POLA1: variants seen among roughly 807,000 people sequenced by gnomAD.
The protein encoded by POLA1 is DNA polymerase alpha 1, catalytic subunit.
A neutral mutation model predicts 124.0 loss-of-function variants in POLA1; 15 were observed. The ratio of observed to expected loss-of-function variants is 0.12; its 90% CI spans 0.08 to 0.19. POLA1 has a LOEUF of 0.19. POLA1 is among the 10% of genes least tolerant of loss of function. The pLI, the probability that POLA1 is intolerant of heterozygous loss-of-function variation, is 1.00. For missense variants in POLA1, 886 were observed against 1,103.4 expected, an observed-to-expected ratio of 0.80 and a Z score of 2.79; for synonymous variants, 408 against 389.4, an observed-to-expected ratio of 1.05 and a Z score of -0.56.
intron 35 of POLA1, among the ~76,000 whole-genome samples, chrX:24,893,618 A>G (rs899402909): frequency 1.8e-5 from 2 of 111,558 alleles, no homozygotes; most frequent in East Asian, 5.6e-4. Flanking sequence ...ACCTACTTTG[A>G]ATATTTTCTG....
chrX:24,958,412 A>G (rs1284122254), intron 36 of POLA1, among the ~76,000 whole-genome samples: 3 of 111,695 alleles, frequency 2.7e-5, no homozygotes, highest in Admixed American at 9.5e-5. Flanking sequence ...TTTCCAATCC[A>G]TCTACCATTG....
chrX:24,995,004 C>T (rs1444666512), intron 36 of POLA1, among the ~76,000 whole-genome samples: 2 of 108,720 alleles, frequency 1.8e-5, no homozygotes, highest in South Asian at 4.1e-4. Context: ...TGCGGTGAGC[C>T]GAGATCGCGC....
chrX:24,867,223 C>A (rs1420351705), intron 34 of POLA1, among the ~76,000 whole-genome samples: 1 of 109,754 alleles, frequency 9.1e-6, no homozygotes, highest in Non-Finnish European at 1.9e-5. Flanking sequence ...TTTTTTTTAT[C>A]CTTCTCAATT....
At chrX:24,920,757 T>C (rs1251465673) in intron 35 of POLA1, among the ~76,000 whole-genome samples, 1 of 111,941 alleles carries the variant, frequency 8.9e-6, no homozygotes, top group Non-Finnish European at 1.9e-5. Context: ...GAAACCATAA[T>C]GCAAAGGAGA....
intron 26 of POLA1, among the ~76,000 whole-genome samples, chrX:24,770,369 G>A (rs1483046610): frequency 1.8e-5 from 2 of 111,727 alleles, no homozygotes; most frequent in South Asian, 3.8e-4. Flanking sequence ...GGTAAACATT[G>A]CCTAGAGATT....
At chrX:24,874,015 G>A (rs1031995322) in intron 34 of POLA1, among the ~76,000 whole-genome samples, 1 of 111,625 alleles carries the variant, frequency 9.0e-6, no homozygotes, top group Non-Finnish European at 1.9e-5. Flanking sequence ...ATATTAAGTA[G>A]CATAGATGTA....
intron 34 of POLA1, 90 bp from the exon 35 acceptor site, chrX:24,887,911 GATTAA>G (rs374321277): frequency 1.8e-4 from 95 of 539,710 alleles, no homozygotes; most frequent in African/African-American, 1.7e-3. Flanking sequence ...TCTGAGAAAA[GATTAA>G]ATAAAATGAG....
At chrX:24,931,526 T>C (rs749084933) in intron 36 of POLA1, among the ~76,000 whole-genome samples, 4 of 112,338 alleles carry the variant, frequency 3.6e-5, no homozygotes, top group Non-Finnish European at 5.6e-5. Context: ...TTGGTTTTGC[T>C]GTCCTTGGAG....
At chrX:24,869,750 C>T (rs1446139643) in intron 34 of POLA1, among the ~76,000 whole-genome samples, 1 of 111,352 alleles carries the variant, frequency 9.0e-6, no homozygotes, top group Non-Finnish European at 1.9e-5. Context: ...CTTTCTTCTA[C>T]CTCTTTCCTT....
At chrX:24,864,475 A>G (rs1374896710) in intron 34 of POLA1, among the ~76,000 whole-genome samples, 1 of 111,869 alleles carries the variant, frequency 8.9e-6, no homozygotes, top group South Asian at 3.7e-4. Context: ...AAATTTATGT[A>G]GCATTATAGC....
At chrX:24,808,849 G>T (rs2045850892) in intron 26 of POLA1, among the ~76,000 whole-genome samples, 1 of 111,864 alleles carries the variant, frequency 8.9e-6, no homozygotes, top group African/African-American at 3.2e-5. Flanking sequence ...TGAAGTAGGA[G>T]AAAGAAATAT....
intron 34 of POLA1, among the ~76,000 whole-genome samples, chrX:24,868,589 AAGT>A (rs780036740): frequency 5.4e-5 from 6 of 111,969 alleles, no homozygotes; most frequent in Non-Finnish European, 9.4e-5. Flanking sequence ...ACCCACCAAA[AAGT>A]AGGTGATGAG....
chrX:24,934,186 A>T (rs1025379427), intron 36 of POLA1, among the ~76,000 whole-genome samples: 10 of 112,452 alleles, frequency 8.9e-5, no homozygotes, highest in African/African-American at 3.2e-4. Flanking sequence ...GTTCAAATCT[A>T]AATCTCCTTA....
intron 34 of POLA1, among the ~76,000 whole-genome samples, chrX:24,854,651 G>A (rs1197173812): frequency 1.8e-5 from 2 of 110,253 alleles, no homozygotes; most frequent in East Asian, 2.9e-4. Context: ...CCAACATGGC[G>A]AAACCTGTCT....
At chrX:24,895,781 A>G (rs150207394) in intron 35 of POLA1, among the ~76,000 whole-genome samples, 52 of 112,620 alleles carry the variant, frequency 4.6e-4, no homozygotes, top group African/African-American at 1.6e-3. Flanking sequence ...GTCTTCTCCA[A>G]AGTATTGGTT....
intron 34 of POLA1, among the ~76,000 whole-genome samples, chrX:24,844,353 A>T (rs2046447726): frequency 9.0e-6 from 1 of 110,971 alleles, no homozygotes; most frequent in Non-Finnish European, 1.9e-5. Flanking sequence ...AAAATTAAAA[A>T]TTTCACATTT....
At chrX:24,734,913 G>GCCACTTAT (rs1185389345) in intron 17 of POLA1, among the ~76,000 whole-genome samples, 1 of 112,047 alleles carries the variant, frequency 8.9e-6, no homozygotes, top group Non-Finnish European at 1.9e-5. Context: ...ACTGCGCCCA[G>GCCACTTAT]CCACTTATAA....
At position 24,992,738 on chromosome X, in the gene POLA1, A is replaced by C. The variant is rs188471180; in HGVS notation, c.4262-3067A>C. 3.5e-5 allele frequency among the ~76,000 whole-genome samples: 4 copies of C among 113,094 alleles called. No individual in the cohort carries two copies. The Admixed American group carries it at 3.7e-4, about 11-fold the overall frequency. On this transcript the variant is annotated intron_variant, in intron 36 of 36. Transcript: ENST00000379068. ...GACATGGAACTAAAATATGTGAAGT[A>C]GAGTTAGTTTCCTTAGATGGGAGAA... is the stretch of plus-strand genomic sequence containing the variant.
chrX:24,905,218 C>T (rs1248435248), intron 35 of POLA1, among the ~76,000 whole-genome samples: 1 of 109,022 alleles, frequency 9.2e-6, no homozygotes, highest in Non-Finnish European at 1.9e-5. Context: ...CTGACATTGG[C>T]GACACAGAAA....
Sources: gnomAD v4.1 joint callset for allele counts (sites outside exome capture counted in the v4.1 genomes callset) on GRCh38, gnomAD v4.1.1 for gene constraint, MANE v1.5 for transcripts, NCBI Gene and HGNC (gene_info 2026-07-23, HGNC 2026-07-21) for gene names.